BTBD10: variants seen among roughly 807,000 people sequenced by gnomAD.
BTBD10 encodes the protein BTB/POZ domain-containing protein 10.
A neutral mutation model predicts 53.2 loss-of-function variants in BTBD10; 21 were observed. The ratio of observed to expected loss-of-function variants is 0.39; its 90% CI spans 0.28 to 0.57. The LOEUF (loss-of-function observed/expected upper bound fraction) is 0.57. Ranked by LOEUF, BTBD10 falls within the 20% of genes least tolerant of loss-of-function variation. BTBD10 has a pLI of 0.53. For missense variants in BTBD10, 360 were observed against 594.7 expected (o/e 0.61, Z 4.10); for synonymous variants, 149 against 192.7 (o/e 0.77, Z 1.88).
intron 2 of BTBD10, among the ~76,000 whole-genome samples, chr11:13,432,115 ATATGC>A (rs1297987287): frequency 6.6e-6 from 1 of 152,178 alleles, no homozygotes; most frequent in Non-Finnish European, 1.5e-5. Flanking sequence ...CCAAAAGTTT[ATATGC>A]TATATGATTC....
chr11:13,431,086 A>T (rs1950440801), intron 2 of BTBD10, among the ~76,000 whole-genome samples: 2 of 151,976 alleles, frequency 1.3e-5, no homozygotes, highest in South Asian at 4.1e-4. Flanking sequence ...AATAGAAAAC[A>T]ACTACTTAGC....
At chr11:13,421,992 T>TAGC (rs1950250748) in intron 2 of BTBD10, among the ~76,000 whole-genome samples, 154 bp from the exon 3 acceptor site, 1 of 152,242 alleles carries the variant, frequency 6.6e-6, no homozygotes, top group African/African-American at 2.4e-5. Context: ...CTCAAACTTG[T>TAGC]AGGCTTTAAA....
chr11:13,432,238 T>C (rs1277760098), intron 2 of BTBD10, among the ~76,000 whole-genome samples: 1 of 152,128 alleles, frequency 6.6e-6, no homozygotes, highest in Non-Finnish European at 1.5e-5. Flanking sequence ...AGGGGTAGCA[T>C]AAGAGAATTT....
intron 4 of BTBD10, 103 bp from the exon 5 acceptor site, chr11:13,417,363 T>C (rs1333365805): frequency 9.4e-6 from 7 of 746,022 alleles, no homozygotes; most frequent in South Asian, 2.7e-5. Flanking sequence ...TCATTAAATT[T>C]AGTTCAAGAA....
At chr11:13,429,986 G>T (rs1473229600) in intron 2 of BTBD10, among the ~76,000 whole-genome samples, 1 of 151,964 alleles carries the variant, frequency 6.6e-6, no homozygotes, top group African/African-American at 2.4e-5. Flanking sequence ...GGCATCTGTG[G>T]TTCCGGCTAC....
At chr11:13,427,333 G>A (rs1182204443) in intron 2 of BTBD10, among the ~76,000 whole-genome samples, 1 of 152,170 alleles carries the variant, frequency 6.6e-6, no homozygotes, top group Admixed American at 6.5e-5. Context: ...AAGAAAGCAA[G>A]AGTGGCTATA....
At chr11:13,404,275 T>C (rs902985910) in intron 7 of BTBD10, among the ~76,000 whole-genome samples, 7 of 152,154 alleles carry the variant, frequency 4.6e-5, no homozygotes, top group African/African-American at 1.7e-4. Context: ...CTTCTTTATG[T>C]TGGATCATCT....
intron 1 of BTBD10, among the ~76,000 whole-genome samples, chr11:13,450,306 C>A (rs187579642): frequency 5.4e-4 from 82 of 152,058 alleles, no homozygotes; most frequent in Non-Finnish European, 8.8e-4. Flanking sequence ...GGAGAGAGAG[C>A]CCCAAAGAGC....
At chr11:13,404,554 G>C in intron 7 of BTBD10, 1 of 928,972 alleles carries the variant, frequency 1.1e-6, no homozygotes, top group South Asian at 5.0e-5. Flanking sequence ...AAATAATTTA[G>C]TATACCTCTT....
chr11:13,434,804 T>C (rs537951238), intron 2 of BTBD10, among the ~76,000 whole-genome samples: 2 of 151,334 alleles, frequency 1.3e-5, no homozygotes, highest in African/African-American at 4.8e-5. Context: ...ATGGCAGAGT[T>C]ACGTGGTAGA....
chr11:13,415,452 T>C (rs1026188112), intron 5 of BTBD10, among the ~76,000 whole-genome samples: 3 of 152,148 alleles, frequency 2.0e-5, no homozygotes, highest in African/African-American at 7.2e-5. Context: ...TTAGCAATCA[T>C]GTGAACCTGT....
intron 1 of BTBD10, among the ~76,000 whole-genome samples, chr11:13,460,294 A>C (rs1414017236): frequency 6.6e-6 from 1 of 152,168 alleles, no homozygotes; most frequent in Non-Finnish European, 1.5e-5. Flanking sequence ...ATGGGTACTT[A>C]ATCATTTCAT....
intron 7 of BTBD10, among the ~76,000 whole-genome samples, chr11:13,404,079 C>CA (rs1396213004): frequency 6.6e-6 from 1 of 151,724 alleles, no homozygotes; most frequent in Non-Finnish European, 1.5e-5. Context: ...GTTTAAGAGC[C>CA]AAAAAAAAGA....
At chr11:13,397,150 G>T (rs1182107079) in intron 8 of BTBD10, among the ~76,000 whole-genome samples, 1 of 152,198 alleles carries the variant, frequency 6.6e-6, no homozygotes, top group African/African-American at 2.4e-5. Context: ...GGTAGAATTT[G>T]TCTGTGAATC....
rs746242041 is a variant in BTBD10, at chr11:13,419,723, G to A, written c.321C>T (p.Ser107=). The A allele has an allele frequency of 6.3e-7, 1 of 1,589,984 alleles. No homozygotes were observed. The highest frequency in any genetic ancestry group is 1.4e-5 in the African/African-American group (1 of 73,784). ...GAGGACGCGGACTGCTTGGACGAGAGGAACTGTGATCTTTTTCTCGTTCTG... is the reference window on the plus strand; with the variant it reads ...GAGGACGCGGACTGCTTGGACGAGAAGAACTGTGATCTTTTTCTCGTTCTG... ...HHVEREKDHS[S]SRPSSPRPQK... Residue 107 remains serine, a synonymous_variant, in exon 4 of 9, where the codon TCC becomes TCT. Coordinates refer to ENST00000278174, the MANE Select transcript of BTBD10 (RefSeq NM_032320.7).
intron 4 of BTBD10, among the ~76,000 whole-genome samples, chr11:13,417,991 C>A (rs1322092908): frequency 1.3e-5 from 2 of 151,914 alleles, no homozygotes; most frequent in Non-Finnish European, 2.9e-5. Flanking sequence ...CAAAATATGT[C>A]CTAAACAATA....
intron 6 of BTBD10, among the ~76,000 whole-genome samples, chr11:13,410,376 G>A (rs547063477): frequency 6.6e-6 from 1 of 152,204 alleles, no homozygotes; most frequent in Admixed American, 6.5e-5. Flanking sequence ...GAAAAAATGA[G>A]TAACATCGTA....
intron 1 of BTBD10, among the ~76,000 whole-genome samples, chr11:13,447,382 G>A (rs1412381442): frequency 6.6e-6 from 1 of 152,144 alleles, no homozygotes; most frequent in Admixed American, 6.6e-5. Context: ...TCAGCCTCCA[G>A]AATATCTGGG....
chr11:13,407,046 A>G (rs984358580), intron 6 of BTBD10, among the ~76,000 whole-genome samples: 21 of 152,100 alleles, frequency 1.4e-4, no homozygotes, highest in African/African-American at 5.1e-4. Flanking sequence ...GACAATAACC[A>G]TCTTTTGGTC....
Sources: allele counts gnomAD v4.1 joint callset (sites outside exome capture counted in the v4.1 genomes callset), GRCh38; gene constraint gnomAD v4.1.1; transcripts MANE v1.5; gene names NCBI Gene and HGNC (gene_info 2026-07-23, HGNC 2026-07-21).